Variants in TXNRD1 observed in about 807,000 individuals in gnomAD.
TXNRD1 encodes thioredoxin reductase 1.
In TXNRD1, 57 loss-of-function variants were observed where a neutral mutation model predicts 80.3. The observed-to-expected ratio is 0.71, with a 90% CI of 0.57 to 0.89. TXNRD1 has a LOEUF of 0.89. TXNRD1 is among the 40% of genes least tolerant of loss of function. TXNRD1 has a pLI of 0.00. For synonymous variants in TXNRD1, 291 were observed against 285.2 expected, an observed-to-expected ratio of 1.02 and a Z score of -0.20; for missense variants, 730 against 803.0, an observed-to-expected ratio of 0.91 and a Z score of 1.10.
chr12:104,256,593 A>G (rs1274961622), intron 2 of TXNRD1, among the ~76,000 whole-genome samples: 1 of 152,052 alleles, frequency 6.6e-6, no homozygotes, highest in Non-Finnish European at 1.5e-5. Context: ...ATCCTGGCCA[A>G]CATGGTGAAA....
At chr12:104,228,998 C>A (rs1214940882) in intron 1 of TXNRD1, among the ~76,000 whole-genome samples, 2 of 151,928 alleles carry the variant, frequency 1.3e-5, no homozygotes, top group African/African-American at 2.4e-5. Flanking sequence ...GGATTACAGG[C>A]GTGAGCCACC....
At chr12:104,216,014 C>G in intron 1 of TXNRD1, 121 bp downstream of exon 1, 2 of 809,630 alleles carry the variant, frequency 2.5e-6, no homozygotes, top group Non-Finnish European at 3.8e-6. Context: ...GAGTCAGTGA[C>G]TGACCGCGCG....
intron 10 of TXNRD1, among the ~76,000 whole-genome samples, chr12:104,323,299 G>C (rs1225465892): frequency 1.3e-4 from 19 of 149,116 alleles, no homozygotes. Context: ...ATCCTGGCCC[G>C]TTCTCAATGA....
At chr12:104,239,562 CT>C (rs112851464) in intron 1 of TXNRD1, among the ~76,000 whole-genome samples, 11,541 of 151,752 alleles carry the variant, frequency 0.076, 570 homozygotes, top group Middle Eastern at 0.17. Context: ...CTTCTCATTC[CT>C]TTTTTTTCCC....
intron 1 of TXNRD1, among the ~76,000 whole-genome samples, chr12:104,233,785 G>C: frequency 6.6e-6 from 1 of 152,098 alleles, no homozygotes; most frequent in East Asian, 1.9e-4. Context: ...GCCTCCCAAA[G>C]TGCTGGGATT....
chr12:104,227,072 T>G (rs1048602049), intron 1 of TXNRD1, among the ~76,000 whole-genome samples: 1 of 152,214 alleles, frequency 6.6e-6, no homozygotes, highest in Non-Finnish European at 1.5e-5. Flanking sequence ...CAAGTACATT[T>G]CTGGAACCAG....
chr12:104,267,906 A>G (rs1459132813), intron 3 of TXNRD1, among the ~76,000 whole-genome samples: 1 of 145,040 alleles, frequency 6.9e-6, no homozygotes, highest in Non-Finnish European at 1.5e-5. Flanking sequence ...CTGGAGTGCA[A>G]TGGCGTAATC....
rs17035351 is a variant in TXNRD1, at chr12:104,315,535, C to T, written c.611-242C>T. Among the ~76,000 whole-genome samples the T allele has an allele frequency of 5.2e-3, 789 of 152,138 alleles. 9 individuals carry two copies. The highest frequency in any genetic ancestry group is 0.017 in the African/African-American group (723 of 41,506). On this transcript the variant is annotated intron_variant, in intron 6 of 16. Coordinates refer to ENST00000525566, the MANE Select transcript of TXNRD1 (RefSeq NM_001093771.3). ...GTTAATTTTGTATCTTTGAAGTATA[C>T]GGAAATTGTGGAAATCTGCCCCTCT...
chr12:104,278,189 CT>C (rs202175579), intron 3 of TXNRD1, among the ~76,000 whole-genome samples: 3,329 of 96,812 alleles, frequency 0.034, 1 homozygote, highest in Non-Finnish European at 0.038. Flanking sequence ...TGATCAAATT[CT>C]TTTTTTTTTT....
intron 3 of TXNRD1, among the ~76,000 whole-genome samples, chr12:104,272,269 C>T (rs2033666971): frequency 6.6e-6 from 1 of 152,144 alleles, no homozygotes; most frequent in Admixed American, 6.6e-5. Context: ...TGTCTTTCCC[C>T]TATTGGCTAA....
chr12:104,319,382 A>G (rs1190997857), intron 8 of TXNRD1, 88 bp from the exon 9 acceptor site: 1 of 820,058 alleles, frequency 1.2e-6, no homozygotes, highest in East Asian at 2.7e-5. Flanking sequence ...GAAATGAGAC[A>G]ATGTAGTGAA....
chr12:104,289,071 G>C lies in TXNRD1; in HGVS notation c.414+31G>C, dbSNP rs372648823. 5.4e-5 allele frequency: 87 copies of C among 1,600,078 alleles called. 1 individual carries two copies. The Admixed American group carries it at 1.4e-3, about 25-fold the overall frequency. ...AGAGAGTAACGTATCTTTTTAAACG[G>C]GGGATGAGCTCGTTGAGCTCAGCGT... is the stretch of plus-strand genomic sequence containing the variant. On this transcript the variant is annotated intron_variant, in intron 4 of 16. Coordinates refer to ENST00000525566, the MANE Select transcript of TXNRD1 (RefSeq NM_001093771.3).
chr12:104,312,749 A>G (rs1386518884), intron 5 of TXNRD1, among the ~76,000 whole-genome samples: 1 of 152,226 alleles, frequency 6.6e-6, no homozygotes, highest in Admixed American at 6.5e-5. Context: ...ATTTTAGGAA[A>G]TCTTGTAATA....
intron 4 of TXNRD1, chr12:104,304,939 A>G: frequency 6.4e-7 from 1 of 1,572,770 alleles, no homozygotes. Flanking sequence ...CATACTAAAG[A>G]TTTCTTAGTA....
intron 3 of TXNRD1, chr12:104,262,447 G>T (rs895407450): frequency 2.0e-5 from 3 of 152,168 alleles, no homozygotes; most frequent in Non-Finnish European, 4.4e-5. Context: ...AGCTGGAACT[G>T]CTGATGCAGT....
chr12:104,338,470 G>A (rs2036214691), intron 15 of TXNRD1, among the ~76,000 whole-genome samples: 1 of 151,384 alleles, frequency 6.6e-6, no homozygotes, highest in African/African-American at 2.4e-5. Flanking sequence ...CGAGGTGCGT[G>A]GATCACCTGA....
intron 1 of TXNRD1, among the ~76,000 whole-genome samples, chr12:104,235,969 T>C (rs1473501472): frequency 6.6e-6 from 1 of 152,160 alleles, no homozygotes; most frequent in Non-Finnish European, 1.5e-5. Context: ...TGCCAGCTGA[T>C]CCATCAAGGG....
chr12:104,256,976 C>T (rs4964730), intron 2 of TXNRD1, among the ~76,000 whole-genome samples: 100,319 of 131,192 alleles, frequency 0.76, 36,621 homozygotes, highest in East Asian at 0.86. Context: ...ATTTTCTTTT[C>T]TTTTTTTTTT....
chr12:104,232,686 T>G (rs1044354541), intron 1 of TXNRD1, among the ~76,000 whole-genome samples: 1 of 152,176 alleles, frequency 6.6e-6, no homozygotes, highest in African/African-American at 2.4e-5. Context: ...GTTTGATTCC[T>G]TAAAGAGAAA....
Sources: allele counts gnomAD v4.1 joint callset (sites outside exome capture counted in the v4.1 genomes callset), GRCh38; gene constraint gnomAD v4.1.1; transcripts MANE v1.5; gene names NCBI Gene and HGNC (gene_info 2026-07-23, HGNC 2026-07-21).